The following COX16 variants were observed in gnomAD, a reference collection of about 807,000 sequenced individuals.
COX16 encodes the protein cytochrome c oxidase assembly protein COX16 homolog, mitochondrial.
COX16 carries 12 observed loss-of-function variants against 15.4 expected under a neutral mutation model. The ratio of observed to expected loss-of-function variants is 0.78; its 90% CI spans 0.50 to 1.26. The LOEUF (loss-of-function observed/expected upper bound fraction) is 1.26. COX16 is among the 50% of genes most tolerant of loss of function. The pLI, the probability that COX16 is intolerant of heterozygous loss-of-function variation, is 0.00. For synonymous variants in COX16, 46 were observed against 41.1 expected (o/e 1.12, Z -0.46); for missense variants, 124 against 127.6 (o/e 0.97, Z 0.14).
At chr14:70,328,072 A>ATTTTTTTGTTTTTTTTTTTTTTT (rs1886143379) in intron 3 of COX16, 2 of 80,840 alleles carry the variant, frequency 2.5e-5, no homozygotes, top group African/African-American at 5.0e-5. Flanking sequence ...TGAGAATAAG[A>ATTTTTTTGTTTTTTTTTTTTTTT]TTTTTTTTTT....
chr14:70,351,582 C>T (rs1220703279), intron 1 of COX16, among the ~76,000 whole-genome samples: 1 of 151,950 alleles, frequency 6.6e-6, no homozygotes, highest in African/African-American at 2.4e-5. Context: ...ATAATTAAGC[C>T]TTTTCTGTTT....
chr14:70,335,753 T>C (rs1014825420), intron 2 of COX16, among the ~76,000 whole-genome samples: 4 of 152,152 alleles, frequency 2.6e-5, no homozygotes, highest in Non-Finnish European at 2.9e-5. Context: ...AAGTTCAAAT[T>C]TACTATCTGG....
intron 2 of COX16, among the ~76,000 whole-genome samples, chr14:70,336,437 A>G (rs1339293597): frequency 6.6e-6 from 1 of 152,172 alleles, no homozygotes; most frequent in African/African-American, 2.4e-5. Flanking sequence ...AGTTTATGAT[A>G]ATTTATTAAA....
chr14:70,346,957 C>A (rs932380730), intron 1 of COX16, among the ~76,000 whole-genome samples: 2 of 152,132 alleles, frequency 1.3e-5, no homozygotes, highest in African/African-American at 4.8e-5. Context: ...GGGCATCTAA[C>A]TTTCTTCTAC....
chr14:70,337,730 T>C (rs1030770031), intron 2 of COX16, among the ~76,000 whole-genome samples: 9 of 152,136 alleles, frequency 5.9e-5, no homozygotes, highest in African/African-American at 2.2e-4. Context: ...TATGGCATCA[T>C]AGAAGATTTC....
intron 1 of COX16, among the ~76,000 whole-genome samples, chr14:70,342,945 G>A (rs189530087): frequency 2.5e-4 from 38 of 152,104 alleles, no homozygotes; most frequent in African/African-American, 7.0e-4. Context: ...TACCAAAATC[G>A]TCACCCTATA....
At chr14:70,328,350 ACT>A (rs1362185674) in intron 3 of COX16, 1 of 151,972 alleles carries the variant, frequency 6.6e-6, no homozygotes, top group Non-Finnish European at 1.5e-5. Flanking sequence ...AAAAATCAAC[ACT>A]CTTCAGAATT....
At chr14:70,338,840 G>C (rs1475481057) in intron 2 of COX16, among the ~76,000 whole-genome samples, 1 of 152,126 alleles carries the variant, frequency 6.6e-6, no homozygotes, top group African/African-American at 2.4e-5. Context: ...CTTCATATCT[G>C]TTTTCACATT....
chr14:70,354,274 G>T (rs1310455554), intron 1 of COX16, among the ~76,000 whole-genome samples: 1 of 152,176 alleles, frequency 6.6e-6, no homozygotes, highest in Non-Finnish European at 1.5e-5. Context: ...GCTAATACCT[G>T]CAATGTCAAA....
chr14:70,335,578 C>T (rs1262388079), intron 2 of COX16, among the ~76,000 whole-genome samples: 1 of 142,750 alleles, frequency 7.0e-6, no homozygotes, highest in Admixed American at 7.1e-5. Context: ...AAATTATACA[C>T]AACGCTCCTG....
chr14:70,331,888 C>G (rs1230011327), intron 2 of COX16, among the ~76,000 whole-genome samples: 1 of 152,164 alleles, frequency 6.6e-6, no homozygotes, highest in Non-Finnish European at 1.5e-5. Flanking sequence ...AATCCTGCAC[C>G]TATCCACAGT....
intron 2 of COX16, among the ~76,000 whole-genome samples, chr14:70,337,382 G>T (rs1886487671): frequency 6.6e-6 from 1 of 152,056 alleles, no homozygotes; most frequent in Admixed American, 6.6e-5. Context: ...AAACAGAGAG[G>T]ATAGCCTAAG....
chr14:70,328,464 C>CA (rs761333467), intron 3 of COX16, among the ~76,000 whole-genome samples: 9 of 152,076 alleles, frequency 5.9e-5, no homozygotes, highest in Non-Finnish European at 1.2e-4. Flanking sequence ...ATGACAAACT[C>CA]AAAGACATGA....
At chr14:70,337,301 T>C (rs185397054) in intron 2 of COX16, among the ~76,000 whole-genome samples, 21 of 152,184 alleles carry the variant, frequency 1.4e-4, no homozygotes, top group Admixed American at 1.2e-3. Context: ...CCAGATGATA[T>C]TGTTTTCCTC....
rs552851661 is a variant in COX16 at position 70,351,795 on chromosome 14, T to G, written c.69+7724A>C. Among the ~76,000 whole-genome samples the G allele has an allele frequency of 1.3e-3, 203 of 152,320 alleles. 2 individuals carry two copies. The highest frequency in any genetic ancestry group is 4.6e-3 in the African/African-American group (192 of 41,578). ...GGAATAATGTCACAGCTTCAAGGTT[T>G]TGTTGGTATTCTTAATTTCAAAATT... On this transcript the variant is annotated intron_variant, in intron 1 of 3. Coordinates refer to ENST00000389912, the MANE Select transcript of COX16 (RefSeq NM_016468.7).
intron 1 of COX16, among the ~76,000 whole-genome samples, chr14:70,345,497 C>A (rs1886751465): frequency 6.6e-6 from 1 of 152,190 alleles, no homozygotes; most frequent in Non-Finnish European, 1.5e-5. Context: ...GCCCTCTAGG[C>A]TGCTTCATAA....
At chr14:70,336,559 TG>T (rs1310435615) in intron 2 of COX16, among the ~76,000 whole-genome samples, 1 of 152,214 alleles carries the variant, frequency 6.6e-6, no homozygotes, top group Non-Finnish European at 1.5e-5. Context: ...ATTGCATGTA[TG>T]TAAAAGGGAT....
chr14:70,326,190 A>AGATTATTTGTCATCAAATTACCCATATCC lies in COX16; in HGVS notation c.*114_*142dup. The AGATTATTTGTCATCAAATTACCCATATCC allele has an allele frequency of 1.8e-6, 1 of 546,856 alleles. No homozygotes were observed. Among genetic ancestry groups the AGATTATTTGTCATCAAATTACCCATATCC allele is most frequent in the South Asian group, 5.3e-5 (1 of 18,710 alleles). 33.9% of individuals were successfully genotyped at this position (546,856 alleles called of 1,614,324 possible). On this transcript the variant is annotated 3_prime_UTR_variant, in exon 4 of 4. Transcript: ENST00000389912. ...AAAACCTGTACATGACCTTTAGTGA[A>AGATTATTTGTCATCAAATTACCCATATCC]GATTATTTGTCATCAAATTACCCAT... is the stretch of plus-strand genomic sequence containing the variant.
intron 1 of COX16, among the ~76,000 whole-genome samples, chr14:70,344,216 A>T (rs544775488): frequency 6.6e-6 from 1 of 152,340 alleles, no homozygotes; most frequent in East Asian, 1.9e-4. Context: ...AGGCTCTTGG[A>T]GCCAGAGGCT....
Sources: gnomAD v4.1 joint callset for allele counts (sites outside exome capture counted in the v4.1 genomes callset) on GRCh38, gnomAD v4.1.1 for gene constraint, MANE v1.5 for transcripts, NCBI Gene and HGNC (gene_info 2026-07-23, HGNC 2026-07-21) for gene names.